The following SMARCA2 variants were observed in gnomAD, a reference collection of about 807,000 sequenced individuals.
The protein encoded by SMARCA2 is SWI/SNF-related matrix-associated actin-dependent regulator of chromatin subfamily A member 2.
Under a neutral mutation model 199.8 loss-of-function variants are expected in SMARCA2, and 61 were observed. The ratio of observed to expected loss-of-function variants is 0.31; its 90% confidence interval spans 0.25 to 0.38. The LOEUF (loss-of-function observed/expected upper bound fraction) is 0.38, where lower values mean the gene tolerates loss of function less well. Among genes scored for constraint, SMARCA2 ranks in the 10% least tolerant of loss-of-function variants. The pLI is 1.00. For synonymous variants in SMARCA2, 935 were observed against 732.0 expected (o/e 1.28, Z -4.48); for missense variants, 1,344 against 2,012.2 (o/e 0.67, Z 6.35).
rs575840955 is a variant in SMARCA2, at chr9:2,174,468, A to G, written c.4253+3996A>G. On this transcript the variant is annotated intron_variant, in intron 29 of 33. Coordinates refer to ENST00000349721, the MANE Select transcript of SMARCA2 (RefSeq NM_003070.5). Reference sequence around the variant, plus strand: ...TACAACAGCCATTGTAGGAAAAAGCAGCACTCCGGTGCCTGCCACGACCCA... The same window carrying G: ...TACAACAGCCATTGTAGGAAAAAGCGGCACTCCGGTGCCTGCCACGACCCA... Among the ~76,000 whole-genome samples the G allele has an allele frequency of 3.3e-5, 5 of 152,322 alleles. No individual in the cohort carries two copies. The South Asian group carries it at 1.0e-3, about 32-fold the overall frequency.
intron 2 of SMARCA2, chr9:2,032,640 A>G (rs1172089800): frequency 5.1e-6 from 1 of 196,590 alleles, no homozygotes; most frequent in African/African-American, 2.3e-5. Context: ...ATTACTTACC[A>G]GGGTATGGAA....
At chr9:2,088,684 G>T in intron 19 of SMARCA2, 71 bp downstream of exon 19, 1 of 1,016,550 alleles carries the variant, frequency 9.8e-7, no homozygotes, top group South Asian at 1.4e-5. Context: ...ACCTGCCTCT[G>T]AAATTGTGTT....
chr9:2,060,779 A>C, intron 8 of SMARCA2, 37 bp from the exon 9 acceptor site: 1 of 1,602,586 alleles, frequency 6.2e-7, no homozygotes, highest in South Asian at 1.1e-5. Context: ...CTGCACGCTT[A>C]TATTATGCTC....
Position 2,192,673 on chromosome 9 carries a change from C to T in SMARCA2, c.4738-31C>T, listed in dbSNP as rs764200916. 9.2e-6 allele frequency: 14 copies of T among 1,522,946 alleles called. No homozygotes were observed. The South Asian group carries it at 1.6e-4, about 17-fold the overall frequency. The allele number at this position is 1,522,946 out of a possible 1,614,324, so 94.3% of individuals were successfully genotyped here. A position where few individuals can be genotyped will look rare whatever the true frequency, so the allele number is the denominator to read the frequency against. On this transcript the variant is annotated intron_variant, in intron 33 of 33. Coordinates refer to ENST00000349721, the MANE Select transcript of SMARCA2 (RefSeq NM_003070.5). ...CTTCTTTTTCTTGCATGTGATGTTA[C>T]TTCATTTTATCTTCTTATTTTTACT...
chr9:2,120,262 A>G (rs956864127), intron 26 of SMARCA2, among the ~76,000 whole-genome samples: 9 of 152,186 alleles, frequency 5.9e-5, no homozygotes, highest in Non-Finnish European at 1.0e-4. Context: ...GCAGAACCCT[A>G]AAGTTAGAGG....
chr9:2,170,447 T>A lies in SMARCA2; in HGVS notation c.4228T>A (p.Ser1410Thr). 1 of 1,614,074 alleles carries A rather than the reference T, an allele frequency of 6.2e-7. No homozygotes were observed. Among genetic ancestry groups the A allele is most frequent in the Non-Finnish European group, 8.5e-7 (1 of 1,179,980 alleles). ...RCNVEKVPSN[S>T]QLEIEGNSSG... ...TAACGTGGAGAAGGTGCCCAGTAATTCTCAGTTGGAAATAGAAGGAAACAG... is the reference window on the plus strand; with the variant it reads ...TAACGTGGAGAAGGTGCCCAGTAATACTCAGTTGGAAATAGAAGGAAACAG... Residue 1410 changes from serine to threonine, a missense_variant, in exon 29 of 34, where the codon TCT becomes ACT. Around this residue, in one of 18 missense-constraint regions of SMARCA2, gnomAD observed 151 missense variants for 154.0 expected, o/e 0.98. Transcript: ENST00000349721. This position sits in a 1 kb window ranked among gnomAD's most constrained non-coding sequence, Gnocchi z 4.7.
Position 2,115,404 on chromosome 9 carries a change from T to A in SMARCA2, c.3457-418T>A, listed in dbSNP as rs972678028. ...TGAATGTACAACTCAGTGATATTTT[T>A]AAAATAATCTTCAACACATCACGCC... On this transcript the variant is annotated intron_variant, in intron 24 of 33. Coordinates refer to ENST00000349721, the MANE Select transcript of SMARCA2 (RefSeq NM_003070.5). The surrounding 1 kb of genome is among the most constrained non-coding windows in gnomAD (Gnocchi z 6.0). 1.3e-5 allele frequency among the ~76,000 whole-genome samples: 2 copies of A among 152,190 alleles called. No homozygotes were observed. Among genetic ancestry groups the A allele is most frequent in the African/African-American group, 2.4e-5 (1 of 41,454 alleles).
chr9:2,170,602 G>C lies in SMARCA2; in HGVS notation c.4253+130G>C, dbSNP rs537894885. ...CACCTCCTGATCACCCCTACTTGGA[G>C]AGCGGGATAGAGGCACAGATACTCT... On this transcript the variant is annotated intron_variant, in intron 29 of 33. Coordinates refer to ENST00000349721, the MANE Select transcript of SMARCA2 (RefSeq NM_003070.5). This position sits in a 1 kb window ranked among gnomAD's most constrained non-coding sequence, Gnocchi z 4.7. 7.0e-7 allele frequency: 1 copy of C among 1,434,492 alleles called. No homozygotes were observed. The allele number at this position is 1,434,492 out of a possible 1,614,324, so 88.9% of individuals were successfully genotyped here.
chr9:2,153,427 G>A (rs1825184081), intron 27 of SMARCA2, among the ~76,000 whole-genome samples: 1 of 152,046 alleles, frequency 6.6e-6, no homozygotes, highest in African/African-American at 2.4e-5. Context: ...CAGCTCTCAG[G>A]AGGGTGAGGT....
intron 15 of SMARCA2, among the ~76,000 whole-genome samples, chr9:2,082,431 C>T (rs931511909): frequency 6.6e-6 from 1 of 151,286 alleles, no homozygotes; most frequent in Non-Finnish European, 1.5e-5. Context: ...GAACATAAAT[C>T]AAAATCATAA....
rs1252460111 is a variant in SMARCA2 at position 2,056,192 on chromosome 9, A to T, written c.1174-480A>T. The stretch of plus-strand genomic sequence containing the variant: ...TCATATTTCCCATCCTTTGTATGAG[A>T]CTATGAATTAACGTTGTTTGAGTAC... On this transcript the variant is annotated intron_variant, in intron 6 of 33. Transcript: ENST00000349721. This position sits in a 1 kb window ranked among gnomAD's most constrained non-coding sequence, Gnocchi z 4.0. Among the ~76,000 whole-genome samples, 5 of 152,242 alleles carry T rather than the reference A, an allele frequency of 3.3e-5. No homozygotes were observed. Among genetic ancestry groups the T allele is most frequent in the Admixed American group, 3.3e-4 (5 of 15,284 alleles).
chr9:2,159,538 A>G, intron 27 of SMARCA2: 1 of 289,080 alleles, frequency 3.5e-6, no homozygotes, highest in Non-Finnish European at 6.4e-6. Context: ...TTGTTTTCTT[A>G]CTGGCTTAAT....
chr9:2,155,179 T>G (rs1484147097), intron 27 of SMARCA2, among the ~76,000 whole-genome samples: 1 of 152,216 alleles, frequency 6.6e-6, no homozygotes, highest in Non-Finnish European at 1.5e-5. Context: ...AATCTAAAAG[T>G]CATTCTCCAA....
rs1291055014 is a variant in SMARCA2 at position 2,056,851 on chromosome 9, T to C, written c.1347+6T>C. The C allele has an allele frequency of 2.5e-6, 4 of 1,609,568 alleles. No individual in the cohort carries two copies. Among genetic ancestry groups the C allele is most frequent in the Non-Finnish European group, 3.4e-6 (4 of 1,177,252 alleles). On this transcript the variant is annotated splice_donor_region_variant and intron_variant, in intron 7 of 33. Coordinates refer to ENST00000349721, the MANE Select transcript of SMARCA2 (RefSeq NM_003070.5). This position sits in a 1 kb window ranked among gnomAD's most constrained non-coding sequence, Gnocchi z 4.0. ...AACGCCGTCAGAAACACCAGGTTCT[T>C]AGACCCTGGGCTTTGCTCACCCTCA...
chr9:2,159,847 G>A (rs1411476373), intron 27 of SMARCA2: 1 of 1,612,014 alleles, frequency 6.2e-7, no homozygotes, highest in Admixed American at 1.7e-5. Context: ...CTGCTTTGCT[G>A]GCTTGTTAAT....
chr9:2,170,561 A>C lies in SMARCA2; in HGVS notation c.4253+89A>C. ...TTGAATCATATAATCGGCCTTTGGA[A>C]GCAAATTTCTTCGGTCACCTCCTGA... On this transcript the variant is annotated intron_variant, in intron 29 of 33. Transcript: ENST00000349721. The surrounding 1 kb of genome is among the most constrained non-coding windows in gnomAD (Gnocchi z 4.7). 1 of 1,604,050 alleles carries C rather than the reference A, an allele frequency of 6.2e-7. No individual in the cohort carries two copies. Among genetic ancestry groups the C allele is most frequent in the Non-Finnish European group, 8.5e-7 (1 of 1,173,778 alleles).
intron 12 of SMARCA2, chr9:2,075,134 G>C (rs1166177273): frequency 6.6e-6 from 1 of 152,284 alleles, no homozygotes; most frequent in Non-Finnish European, 1.5e-5. Context: ...TCTGCTGCAG[G>C]TGAGCCTGAG....
chr9:2,085,316 A>G (rs886722371), intron 17 of SMARCA2, among the ~76,000 whole-genome samples: 1 of 152,190 alleles, frequency 6.6e-6, no homozygotes, highest in African/African-American at 2.4e-5. Flanking sequence ...CTGCATATGT[A>G]TTTCAAGATT....
intron 26 of SMARCA2, among the ~76,000 whole-genome samples, chr9:2,120,393 G>T (rs772473803): frequency 6.6e-6 from 1 of 152,220 alleles, no homozygotes; most frequent in Non-Finnish European, 1.5e-5. Flanking sequence ...AGGTAGAAAT[G>T]TGAGACCTAT....
Sources: allele counts gnomAD v4.1 joint callset (sites outside exome capture counted in the v4.1 genomes callset), GRCh38; gene constraint gnomAD v4.1.1; regional missense constraint gnomAD v4.1.1; non-coding constraint Gnocchi (gnomAD v3.1); transcripts MANE v1.5; gene names NCBI Gene and HGNC (gene_info 2026-07-23, HGNC 2026-07-21).